Variants in PC observed in about 807,000 individuals in gnomAD.
PC encodes the protein pyruvate carboxylase.
In PC, 46 loss-of-function variants were observed where a neutral mutation model predicts 107.8. The ratio of observed to expected loss-of-function variants is 0.43; its 90% CI spans 0.34 to 0.55. PC has a LOEUF of 0.55. PC is among the 20% of genes least tolerant of loss of function. The pLI, the probability that PC is intolerant of heterozygous loss-of-function variation, is 0.04. For missense variants in PC, 1,241 were observed against 1,643.1 expected (o/e 0.76, Z 4.23); for synonymous variants, 662 against 684.7 (o/e 0.97, Z 0.52).
At chr11:66,890,796 C>A (rs1236811881) in intron 3 of PC, among the ~76,000 whole-genome samples, 1 of 151,292 alleles carries the variant, frequency 6.6e-6, no homozygotes, top group African/African-American at 2.4e-5. Flanking sequence ...TGAGCCACCT[C>A]CCCCGCCGCG....
chr11:66,892,413 A>G (rs968726617), intron 3 of PC, among the ~76,000 whole-genome samples: 4 of 152,184 alleles, frequency 2.6e-5, no homozygotes, highest in Non-Finnish European at 5.9e-5. Context: ...CGCACAACCA[A>G]AAGGGCAAAG....
intron 3 of PC, among the ~76,000 whole-genome samples, chr11:66,900,178 GTTTTTTTTTTT>G (rs71045968): frequency 9.3e-6 from 1 of 107,436 alleles, no homozygotes; most frequent in South Asian, 3.1e-4. Context: ...CTCCAACGTT[GTTTTTTTTTTT>G]TTTTTTTTTG....
At chr11:66,951,599 T>C in intron 3 of PC, among the ~76,000 whole-genome samples, 1 of 151,824 alleles carries the variant, frequency 6.6e-6, no homozygotes, top group East Asian at 1.9e-4. Flanking sequence ...CTACTAAAAA[T>C]ACAAAAATTA....
chr11:66,950,271 T>A (rs1949406081), intron 3 of PC, among the ~76,000 whole-genome samples: 1 of 152,110 alleles, frequency 6.6e-6, no homozygotes, highest in East Asian at 1.9e-4. Context: ...AAAGCCTCGT[T>A]GTGATGTCAT....
At chr11:66,909,445 C>A (rs973400668) in intron 3 of PC, among the ~76,000 whole-genome samples, 1 of 152,130 alleles carries the variant, frequency 6.6e-6, no homozygotes, top group African/African-American at 2.4e-5. Flanking sequence ...CCCTGCCGCT[C>A]CCCCCCGAAG....
In PC at chr11:66,858,007, G is replaced by C; in HGVS notation, c.1369-4624C>G. ...TCTCGCAATGCCATCACCCGCATTG[G>C]GGCCCGCGCCTTTGGGGACCTCGAG... On this transcript the variant is annotated intron_variant, in intron 12 of 22. Coordinates refer to ENST00000393960, the MANE Select transcript of PC (RefSeq NM_001040716.2). This position sits in a 1 kb window ranked among gnomAD's most constrained non-coding sequence, Gnocchi z 5.9. 6.2e-7 allele frequency: 1 copy of C among 1,612,350 alleles called. No individual in the cohort carries two copies. The highest frequency in any genetic ancestry group is 8.5e-7 in the Non-Finnish European group (1 of 1,179,936).
intron 10 of PC, 22 bp downstream of exon 10, chr11:66,868,812 GCGCCTCCCGCCC>G: frequency 6.5e-7 from 1 of 1,541,058 alleles, no homozygotes; most frequent in South Asian, 1.1e-5. Context: ...CCTAGAAGCC[GCGCCTCCCGCCC>G]CGCCTGCCCG....
chr11:66,866,242 C>T lies in PC; in HGVS notation c.1130G>A (p.Arg377Gln), dbSNP rs1946487060. The change falls in exon 11 of 23, where the codon CGG becomes CAG. Residue 377 changes from arginine to glutamine, a missense_variant. Arg to Gln is a conservative substitution (Grantham distance 43, BLOSUM62 1). Transcript: ENST00000393960. The surrounding 1 kb of genome is among the most constrained non-coding windows in gnomAD (Gnocchi z 5.4). ...IRINGCAIQC[R>Q]VTTEDPARSF... Reference sequence around the variant, plus strand: ...GCGCGCGGGGTCCTCGGTGGTGACCCGGCACTGGATGGCACACCCGTTGAT... The same window carrying T: ...GCGCGCGGGGTCCTCGGTGGTGACCTGGCACTGGATGGCACACCCGTTGAT... 2.5e-6 allele frequency: 4 copies of T among 1,612,624 alleles called. No individual in the cohort carries two copies. The highest frequency in any genetic ancestry group is 3.4e-6 in the Non-Finnish European group (4 of 1,179,802).
At chr11:66,888,675 G>A (rs927290633) in intron 3 of PC, among the ~76,000 whole-genome samples, 1 of 152,232 alleles carries the variant, frequency 6.6e-6, no homozygotes, top group African/African-American at 2.4e-5. Flanking sequence ...AGATGGCAAC[G>A]CACAACTTGT....
At chr11:66,951,611 G>A (rs1205196615) in intron 3 of PC, among the ~76,000 whole-genome samples, 1 of 152,084 alleles carries the variant, frequency 6.6e-6, no homozygotes, top group Non-Finnish European at 1.5e-5. Flanking sequence ...CAAAAATTAG[G>A]CCGGGCACAG....
chr11:66,913,675 A>AAAGAAAG (rs1325751845), intron 3 of PC, among the ~76,000 whole-genome samples: 2 of 151,388 alleles, frequency 1.3e-5, no homozygotes, highest in African/African-American at 4.9e-5. Flanking sequence ...AAAAAAAAAA[A>AAAGAAAG]AAAGAAAGAA....
At chr11:66,859,553 TTG>T (rs1283281286) in intron 12 of PC, 6 of 1,576,454 alleles carry the variant, frequency 3.8e-6, no homozygotes, top group Admixed American at 1.8e-5. Flanking sequence ...GGAGGGGTGT[TTG>T]GAGCTGGGAG....
intron 3 of PC, among the ~76,000 whole-genome samples, chr11:66,883,973 C>T (rs1377994860): frequency 6.6e-6 from 1 of 152,000 alleles, no homozygotes; most frequent in African/African-American, 2.4e-5. Context: ...TGGCCTGGCA[C>T]GTGGCTCACA....
At position 66,849,715 on chromosome 11, in the gene PC, C is replaced by G; in HGVS notation, c.3043G>C (p.Asp1015His). The change falls in exon 21 of 23, where the codon GAT becomes CAT. Residue 1015 changes from aspartate to histidine, a missense_variant. Asp to His is a moderately conservative substitution (Grantham distance 81). Around this residue, in one of 2 missense-constraint regions of PC, gnomAD observed 1,143 missense variants for 1,551.9 expected, o/e 0.74. Coordinates refer to ENST00000393960, the MANE Select transcript of PC (RefSeq NM_001040716.2). ...AAGTCCTTGAAGTGGGCAAACACATCGGGGTACATAGCTGCTGAGAGCACA... is the reference window on the plus strand; with the variant it reads ...AAGTCCTTGAAGTGGGCAAACACATGGGGGTACATAGCTGCTGAGAGCACA... ...EDVLSAAMYP[D>H]VFAHFKDFTA... 1 of 1,614,200 alleles carries G rather than the reference C, an allele frequency of 6.2e-7. No individual in the cohort carries two copies. The highest frequency in any genetic ancestry group is 8.5e-7 in the Non-Finnish European group (1 of 1,180,034).
At chr11:66,948,813 C>G (rs1031365505) in intron 3 of PC, among the ~76,000 whole-genome samples, 1 of 151,882 alleles carries the variant, frequency 6.6e-6, no homozygotes, top group Non-Finnish European at 1.5e-5. Flanking sequence ...GTACTCCAGC[C>G]TGAGTGACAG....
rs188926544 is a variant in PC at position 66,907,071 on chromosome 11, T to C, written c.1-34912A>G. The stretch of plus-strand genomic sequence containing the variant: ...GGAGCACAGCACACGAAGGGCCGGC[T>C]GGTGCTGAACTATGAGCAGGGCCTC... On this transcript the variant is annotated intron_variant, in intron 3 of 22. Coordinates refer to ENST00000393960, the MANE Select transcript of PC (RefSeq NM_001040716.2). Among the ~76,000 whole-genome samples the C allele has an allele frequency of 3.9e-4, 59 of 152,350 alleles. No individual in the cohort carries two copies. In the East Asian group the frequency reaches 0.011, roughly 28 times the overall value.
Position 66,858,164 on chromosome 11 carries a change from C to T in PC, c.1369-4781G>A. ...TGGGCCGCATCGCGCCGGGAGCCTT[C>T]GACGACTTCCTAGAGAGCCTGGAGG... On this transcript the variant is annotated intron_variant, in intron 12 of 22. Transcript: ENST00000393960. The surrounding 1 kb of genome is among the most constrained non-coding windows in gnomAD (Gnocchi z 5.9). The T allele has an allele frequency of 6.2e-7, 1 of 1,610,848 alleles. No homozygotes were observed. The highest frequency in any genetic ancestry group is 8.5e-7 in the Non-Finnish European group (1 of 1,178,834).
At chr11:66,886,075 G>A (rs1476443809) in intron 3 of PC, among the ~76,000 whole-genome samples, 1 of 152,210 alleles carries the variant, frequency 6.6e-6, no homozygotes, top group Non-Finnish European at 1.5e-5. Context: ...AGGCAGCAGA[G>A]ATGAGAAGTG....
At chr11:66,909,682 A>G (rs1158543394) in intron 3 of PC, among the ~76,000 whole-genome samples, 1 of 152,194 alleles carries the variant, frequency 6.6e-6, no homozygotes, top group African/African-American at 2.4e-5. Flanking sequence ...ACACGTAAAC[A>G]AAGAGGAGAA....
Sources: gnomAD v4.1 joint callset for allele counts (sites outside exome capture counted in the v4.1 genomes callset) on GRCh38, gnomAD v4.1.1 for gene constraint, gnomAD v4.1.1 regional missense constraint, Gnocchi (gnomAD v3.1) non-coding constraint, MANE v1.5 for transcripts, NCBI Gene and HGNC (gene_info 2026-07-23, HGNC 2026-07-21) for gene names.